Variants in BABAM2 observed in about 807,000 individuals in gnomAD.
BABAM2 encodes the protein BRISC and BRCA1-A complex member 2.
A neutral mutation model predicts 54.7 loss-of-function variants in BABAM2; 31 were observed. The ratio of observed to expected loss-of-function variants is 0.57; its 90% CI spans 0.43 to 0.77. BABAM2 has a LOEUF of 0.77. Among genes scored for constraint, BABAM2 ranks in the 30% least tolerant of loss-of-function variants. BABAM2 has a pLI of 0.00. For missense variants in BABAM2, 364 were observed against 455.8 expected, an observed-to-expected ratio of 0.80 and a Z score of 1.83; for synonymous variants, 167 against 162.9, an observed-to-expected ratio of 1.03 and a Z score of -0.19.
chr2:28,299,345 T>G (rs1180429592), intron 11 of BABAM2, among the ~76,000 whole-genome samples: 1 of 152,198 alleles, frequency 6.6e-6, no homozygotes, highest in Non-Finnish European at 1.5e-5. Context: ...TTTTTTATAT[T>G]TAAGACTTTG....
intron 7 of BABAM2, among the ~76,000 whole-genome samples, chr2:28,163,971 A>C (rs114588462): frequency 0.013 from 1,948 of 152,286 alleles, 39 homozygotes; most frequent in African/African-American, 0.044. Context: ...GGTACTGAAA[A>C]CTGAAGATGA....
intron 10 of BABAM2, among the ~76,000 whole-genome samples, chr2:28,263,847 G>A (rs909513176): frequency 6.6e-6 from 1 of 152,186 alleles, no homozygotes; most frequent in African/African-American, 2.4e-5. Context: ...TTTGTACTAT[G>A]AGTCTTTTGA....
chr2:28,224,536 C>A (rs1263211332), intron 7 of BABAM2, among the ~76,000 whole-genome samples: 11 of 152,140 alleles, frequency 7.2e-5, no homozygotes, highest in Non-Finnish European at 1.6e-4. Context: ...CTTCGTACTT[C>A]AGTTTGCGGT....
Position 28,116,111 on chromosome 2 carries a change from G to A in BABAM2, c.571-13160G>A, listed in dbSNP as rs372380539. ...GCCTGGGCAACGAGAGCGAAACTCC[G>A]TCTCAAAAAAAAAAAAAGAAATTGG... On this transcript the variant is annotated intron_variant, in intron 6 of 11. Transcript: ENST00000379624. 2.5e-3 allele frequency among the ~76,000 whole-genome samples: 374 copies of A among 150,480 alleles called. 3 individuals carry two copies. Among genetic ancestry groups the A allele is most frequent in the African/African-American group, 7.4e-3 (302 of 40,934 alleles).
intron 5 of BABAM2, among the ~76,000 whole-genome samples, chr2:28,045,371 C>T (rs1054457357): frequency 6.6e-5 from 10 of 152,032 alleles, no homozygotes; most frequent in Admixed American, 5.9e-4. Context: ...ACAAATGAAT[C>T]AAAGGGGTAG....
rs1188277078 is a variant in BABAM2 at position 28,062,266 on chromosome 2, A to C, written c.570+16467A>C. 5.3e-5 allele frequency among the ~76,000 whole-genome samples: 8 copies of C among 151,350 alleles called. No individual in the cohort carries two copies. In the East Asian group the frequency reaches 5.8e-4, roughly 11 times the overall value. ...GAGCAGGAGTCCGTCTCAAAAAAAA[A>C]AAAAAAACAAAAAACCTGGCCGGGC... On this transcript the variant is annotated intron_variant, in intron 6 of 11. Transcript: ENST00000379624.
intron 6 of BABAM2, among the ~76,000 whole-genome samples, chr2:28,122,348 A>G (rs1488833894): frequency 6.6e-6 from 1 of 152,158 alleles, no homozygotes; most frequent in African/African-American, 2.4e-5. Context: ...TCATGCTTGT[A>G]GTCTCAGCTA....
At chr2:28,141,566 C>G (rs1314787941) in intron 7 of BABAM2, among the ~76,000 whole-genome samples, 1 of 152,118 alleles carries the variant, frequency 6.6e-6, no homozygotes, top group Non-Finnish European at 1.5e-5. Flanking sequence ...ACACAAACAC[C>G]TAGGTTTCCT....
chr2:28,209,922 GA>G (rs1216669804), intron 7 of BABAM2, among the ~76,000 whole-genome samples: 1 of 152,060 alleles, frequency 6.6e-6, no homozygotes, highest in Non-Finnish European at 1.5e-5. Flanking sequence ...AATATAGAGA[GA>G]AATCTAAAAG....
intron 7 of BABAM2, among the ~76,000 whole-genome samples, chr2:28,157,628 G>A (rs1250493388): frequency 1.3e-5 from 2 of 152,146 alleles, no homozygotes; most frequent in Non-Finnish European, 2.9e-5. Flanking sequence ...ACTTTTTTGA[G>A]ATGGAGTCTC....
At chr2:28,087,180 C>A (rs1665724105) in intron 6 of BABAM2, among the ~76,000 whole-genome samples, 1 of 152,078 alleles carries the variant, frequency 6.6e-6, no homozygotes, top group Admixed American at 6.5e-5. Context: ...GGTCTCATAT[C>A]TGGGGATGGA....
At chr2:28,223,917 G>A (rs1343542630) in intron 7 of BABAM2, among the ~76,000 whole-genome samples, 1 of 152,128 alleles carries the variant, frequency 6.6e-6, no homozygotes, top group Admixed American at 6.5e-5. Flanking sequence ...GGGAGAAAAG[G>A]TATGTCTCCT....
intron 7 of BABAM2, among the ~76,000 whole-genome samples, chr2:28,225,263 C>T (rs562910426): frequency 1.5e-3 from 235 of 152,218 alleles, no homozygotes; most frequent in Non-Finnish European, 2.4e-3. Flanking sequence ...GCTATGGGTT[C>T]CCAAAGACAG....
At chr2:28,300,667 G>A (rs1294947882) in intron 11 of BABAM2, among the ~76,000 whole-genome samples, 2 of 152,090 alleles carry the variant, frequency 1.3e-5, no homozygotes, top group East Asian at 1.9e-4. Context: ...TTCCTAAGTA[G>A]ACATTTTAGC....
intron 10 of BABAM2, among the ~76,000 whole-genome samples, chr2:28,297,638 TA>T (rs1003062888): frequency 1.3e-5 from 2 of 152,150 alleles, no homozygotes; most frequent in Non-Finnish European, 2.9e-5. Context: ...GTGCTCAGAG[TA>T]GTACCTTATG....
chr2:28,071,486 C>A (rs1448484139), intron 6 of BABAM2, among the ~76,000 whole-genome samples: 1 of 152,116 alleles, frequency 6.6e-6, no homozygotes, highest in African/African-American at 2.4e-5. Flanking sequence ...GTGATGTGTT[C>A]TTTTATCCGA....
At chr2:28,283,677 A>T (rs1468490417) in intron 10 of BABAM2, among the ~76,000 whole-genome samples, 2 of 152,210 alleles carry the variant, frequency 1.3e-5, no homozygotes, top group African/African-American at 4.8e-5. Flanking sequence ...CCCAGGAGGT[A>T]GGTGTGGAGG....
At chr2:27,962,615 A>T (rs1264473374) in intron 3 of BABAM2, among the ~76,000 whole-genome samples, 7 of 152,232 alleles carry the variant, frequency 4.6e-5, no homozygotes, top group Non-Finnish European at 1.0e-4. Context: ...TTATTTTATG[A>T]AACAGAAGGG....
chr2:28,040,979 G>A (rs935737033), intron 5 of BABAM2, among the ~76,000 whole-genome samples: 3 of 152,144 alleles, frequency 2.0e-5, no homozygotes, highest in Non-Finnish European at 4.4e-5. Flanking sequence ...AAGAATGTGG[G>A]TCTAAAATAG....
Sources: allele counts gnomAD v4.1 joint callset (sites outside exome capture counted in the v4.1 genomes callset), GRCh38; gene constraint gnomAD v4.1.1; transcripts MANE v1.5; gene names NCBI Gene and HGNC (gene_info 2026-07-23, HGNC 2026-07-21).